Variants in REV3L observed in about 807,000 individuals in gnomAD.
The protein encoded by REV3L is DNA polymerase zeta catalytic subunit.
Under a neutral mutation model 299.4 loss-of-function variants are expected in REV3L, and 69 were observed. That is an observed-to-expected ratio of 0.23 (90% confidence interval 0.19 to 0.28). REV3L has a LOEUF of 0.28. Ranked by LOEUF, REV3L falls within the 10% of genes least tolerant of loss-of-function variation. The probability of loss-of-function intolerance (pLI) is 1.00; values close to 1 mark genes in which losing one functional copy is unlikely to be tolerated. For synonymous variants in REV3L, 1,238 were observed against 1,271.4 expected (o/e 0.97, Z 0.56); for missense variants, 3,128 against 3,693.8 (o/e 0.85, Z 3.97).
chr6:111,440,601 G>A (rs994484073), intron 1 of REV3L, among the ~76,000 whole-genome samples: 4 of 152,042 alleles, frequency 2.6e-5, no homozygotes, highest in Non-Finnish European at 2.9e-5. Context: ...ATGCATTACT[G>A]CTATTATTAT....
chr6:111,393,356 C>T (rs1782139231), intron 4 of REV3L, among the ~76,000 whole-genome samples: 1 of 152,104 alleles, frequency 6.6e-6, no homozygotes, highest in Non-Finnish European at 1.5e-5. Context: ...TCATAAATTA[C>T]AGATCCCTTT....
intron 1 of REV3L, among the ~76,000 whole-genome samples, chr6:111,473,110 T>G (rs903906337): frequency 1.3e-5 from 2 of 152,244 alleles, no homozygotes; most frequent in Non-Finnish European, 2.9e-5. Context: ...CATGGCCCAT[T>G]TCTTACTTTA....
chr6:111,318,339 G>A (rs1463197734), intron 26 of REV3L, among the ~76,000 whole-genome samples: 2 of 151,624 alleles, frequency 1.3e-5, no homozygotes, highest in South Asian at 2.1e-4. Flanking sequence ...TAGTAGAGAC[G>A]GGGTTTCACC....
chr6:111,303,541 A>G lies in REV3L; in HGVS notation c.9253-3385T>C, dbSNP rs145966204. Among the ~76,000 whole-genome samples, 155 of 149,906 alleles carry G rather than the reference A, an allele frequency of 1.0e-3. 1 individual carries two copies. The highest frequency in any genetic ancestry group is 3.3e-3 in the African/African-American group (136 of 40,804). ...GCCACCATACCCTGCTAATTTTTGT[A>G]TTTTTAGTAGAGATGGGGTTTTGCC... is the stretch of plus-strand genomic sequence containing the variant. On this transcript the variant is annotated intron_variant, in intron 31 of 31. Transcript: ENST00000368802.
intron 17 of REV3L, among the ~76,000 whole-genome samples, chr6:111,358,312 A>T (rs1176900320): frequency 1.3e-5 from 2 of 152,202 alleles, no homozygotes; most frequent in African/African-American, 2.4e-5. Flanking sequence ...TGCATACATA[A>T]GGAAGACTGT....
At chr6:111,311,545 A>AT in intron 28 of REV3L, 2 of 215,938 alleles carry the variant, frequency 9.3e-6, no homozygotes, top group Non-Finnish European at 1.8e-5. Context: ...AAACACGTTA[A>AT]GTTTTTTTTT....
Position 111,482,809 on chromosome 6 carries a change from A to AG in REV3L, c.79dup (p.Leu27ProfsTer62). 2 of 1,508,158 alleles carry AG rather than the reference A, an allele frequency of 1.3e-6. No homozygotes were observed. Among genetic ancestry groups the AG allele is most frequent in the South Asian group, 1.3e-5 (1 of 76,686 alleles). 93.4% of individuals were successfully genotyped at this position (1,508,158 alleles called of 1,614,324 possible). A position where few individuals can be genotyped will look rare whatever the true frequency, so the allele number is the denominator to read the frequency against. ...CACCTTCTTGACAGGGGCCTGGGTG[A>AG]GGGGGGATTGGCAGGTATCCAGCCC... is the stretch of plus-strand genomic sequence containing the variant. On this transcript the variant is annotated frameshift_variant, in exon 1 of 32. Transcript: ENST00000368802. LOFTEE classifies it high-confidence loss of function.
At chr6:111,445,007 C>G (rs185644071) in intron 1 of REV3L, among the ~76,000 whole-genome samples, 1 of 152,332 alleles carries the variant, frequency 6.6e-6, no homozygotes, top group East Asian at 1.9e-4. Context: ...GGCAGTCAAG[C>G]AACCGATCAC....
At chr6:111,308,452 A>G (rs1464975578) in intron 30 of REV3L, among the ~76,000 whole-genome samples, 1 of 152,194 alleles carries the variant, frequency 6.6e-6, no homozygotes, top group Admixed American at 6.5e-5. Context: ...TATCTCATGG[A>G]ATTTATTGAA....
chr6:111,410,857 T>G (rs1784169159), intron 3 of REV3L, among the ~76,000 whole-genome samples: 1 of 152,106 alleles, frequency 6.6e-6, no homozygotes. Flanking sequence ...TCAGTACACC[T>G]CCGAGGCCAC....
chr6:111,461,918 T>G (rs978951075), intron 1 of REV3L, among the ~76,000 whole-genome samples: 2 of 152,020 alleles, frequency 1.3e-5, no homozygotes, highest in Non-Finnish European at 1.5e-5. Context: ...ATTACCAATG[T>G]TGATAAATAT....
rs1248633153 is a variant in REV3L, at chr6:111,299,952, T to C, written c.*64A>G. 1.3e-6 allele frequency: 2 copies of C among 1,499,412 alleles called. No individual in the cohort carries two copies. Among genetic ancestry groups the C allele is most frequent in the South Asian group, 1.3e-5 (1 of 77,368 alleles). 92.9% of individuals were successfully genotyped at this position (1,499,412 alleles called of 1,614,324 possible). A position where few individuals can be genotyped will look rare whatever the true frequency, so the allele number is the denominator to read the frequency against. On this transcript the variant is annotated 3_prime_UTR_variant, in exon 32 of 32. Transcript: ENST00000368802. ...ACTCGATGAAAGTTAAAAAGCACCA[T>C]GCACAACAGTTTAGTGGTAAGCACT...
chr6:111,424,923 T>C (rs1785986244), intron 1 of REV3L, among the ~76,000 whole-genome samples: 1 of 152,152 alleles, frequency 6.6e-6, no homozygotes, highest in South Asian at 2.1e-4. Context: ...AGGAATGAAA[T>C]GTCCACCGGG....
intron 4 of REV3L, among the ~76,000 whole-genome samples, chr6:111,393,558 T>C (rs1263754237): frequency 6.6e-6 from 1 of 152,216 alleles, no homozygotes; most frequent in African/African-American, 2.4e-5. Flanking sequence ...TGTTGTTAAC[T>C]ACAGTCACTC....
chr6:111,376,066 A>G lies in REV3L; in HGVS notation c.2289T>C (p.Thr763=). ...GTTTATTTAGTCCACTTTCATCAGC[A>G]GTGCTATTAAGAGAATGCACCATAG... is the stretch of plus-strand genomic sequence containing the variant. The part of the protein sequence containing the change: ...NRTMVHSLNS[T]ADESGLNKLK... The change falls in exon 13 of 32, where the codon ACT becomes ACC. Residue 763 remains threonine (T), a synonymous_variant. Coordinates refer to ENST00000368802, the MANE Select transcript of REV3L (RefSeq NM_001372078.1). The G allele has an allele frequency of 1.2e-6, 2 of 1,613,916 alleles. No individual in the cohort carries two copies. The highest frequency in any genetic ancestry group is 1.7e-6 in the Non-Finnish European group (2 of 1,179,922).
chr6:111,398,340 G>A (rs1033650216), intron 4 of REV3L, among the ~76,000 whole-genome samples: 1 of 151,260 alleles, frequency 6.6e-6, no homozygotes, highest in Non-Finnish European at 1.5e-5. Flanking sequence ...GAAAAATGAG[G>A]ATGTTAAAAA....
rs749308460 is a variant in REV3L at position 111,322,646 on chromosome 6, C to G, written c.8274G>C (p.Glu2758Asp). The part of the protein sequence containing the change: ...VGDSIVHKAR[E>D]TLERAIKLVN... ...CCAGTTTAATAGCTCGTTCCAAGGT[C>G]TCTCTGGCTTTGTGAACAATACTAT... The change falls in exon 26 of 32, where the codon GAG becomes GAC. Residue 2758 changes from glutamate (E) to aspartate (D), a missense_variant. This residue lies in a region of REV3L where 37 missense variants were observed against 100.1 expected (regional missense o/e 0.37). Coordinates refer to ENST00000368802, the MANE Select transcript of REV3L (RefSeq NM_001372078.1). The G allele has an allele frequency of 2.5e-6, 4 of 1,613,986 alleles. No homozygotes were observed. In the African/African-American group the frequency reaches 4.0e-5, roughly 16 times the overall value.
At chr6:111,370,306 A>G (rs1779674973) in intron 13 of REV3L, among the ~76,000 whole-genome samples, 1 of 152,206 alleles carries the variant, frequency 6.6e-6, no homozygotes, top group African/African-American at 2.4e-5. Context: ...AGTCCCCAAA[A>G]TGATGGAAAC....
intron 1 of REV3L, among the ~76,000 whole-genome samples, chr6:111,440,597 T>C (rs1038772952): frequency 6.6e-6 from 1 of 152,192 alleles, no homozygotes; most frequent in Non-Finnish European, 1.5e-5. Context: ...CTGAATGCAT[T>C]ACTGCTATTA....
Sources: allele counts gnomAD v4.1 joint callset (sites outside exome capture counted in the v4.1 genomes callset), GRCh38; gene constraint gnomAD v4.1.1; regional missense constraint gnomAD v4.1.1; transcripts MANE v1.5; gene names NCBI Gene and HGNC (gene_info 2026-07-23, HGNC 2026-07-21).